The following AMZ1 variants were observed in gnomAD, a reference collection of about 807,000 sequenced individuals.
AMZ1 encodes the protein archaemetzincin-1.
In AMZ1, 39 loss-of-function variants were observed where a neutral mutation model predicts 29.9. That is an observed-to-expected ratio of 1.30 (90% CI 1.01 to 1.70). AMZ1 has a LOEUF of 1.70. AMZ1 is among the 40% of genes most tolerant of loss of function. AMZ1 has a pLI of 0.00. For synonymous variants in AMZ1, 458 were observed against 304.0 expected (o/e 1.51, Z -5.27); for missense variants, 1,041 against 680.6 (o/e 1.53, Z -5.89).
chr7:2,731,843 G>C lies in AMZ1; in HGVS notation n.550+22027G>C. On this transcript the variant is annotated intron_variant and non_coding_transcript_variant, in intron 4 of 4. Coordinates refer to the AMZ1 transcript ENST00000489665. The surrounding 1 kb of genome is among the most constrained non-coding windows in gnomAD (Gnocchi z 6.0). ...AGATGGCAAAAAGATAAGAAGGAAA[G>C]AGACTGACTTTTGCAACAGGTTGAA... 1.5e-6 allele frequency: 1 copy of C among 671,870 alleles called. No individual in the cohort carries two copies. Among genetic ancestry groups the C allele is most frequent in the Non-Finnish European group, 2.3e-6 (1 of 427,978 alleles). The allele number at this position is 671,870 out of a possible 1,614,324, so 41.6% of individuals were successfully genotyped here.
downstream of AMZ1, among the ~76,000 whole-genome samples, chr7:2,723,731 A>G (rs1457203304): frequency 6.6e-6 from 1 of 152,224 alleles, no homozygotes; most frequent in Non-Finnish European, 1.5e-5. Flanking sequence ...CCTGCAGGTC[A>G]GGCACCGCGG....
At chr7:2,740,056 G>A (rs1033074730) in intron 4 of AMZ1, among the ~76,000 whole-genome samples, 1 of 152,144 alleles carries the variant, frequency 6.6e-6, no homozygotes, top group African/African-American at 2.4e-5. Context: ...ATTCCCATGG[G>A]CCATGTACAA....
intron 3 of AMZ1, among the ~76,000 whole-genome samples, chr7:2,706,855 G>GTCAA (rs1314679131): frequency 3.3e-5 from 5 of 152,184 alleles, no homozygotes; most frequent in African/African-American, 1.2e-4. Context: ...TAGCATCATT[G>GTCAA]TCAATCAATT....
downstream of AMZ1, among the ~76,000 whole-genome samples, chr7:2,720,544 C>T (rs1278891905): frequency 6.6e-6 from 1 of 152,014 alleles, no homozygotes; most frequent in African/African-American, 2.4e-5. Flanking sequence ...GCTGGGACTA[C>T]AGGCGCCTGC....
chr7:2,691,385 T>G (rs1243983605), intron 1 of AMZ1, among the ~76,000 whole-genome samples: 1 of 148,328 alleles, frequency 6.7e-6, no homozygotes, highest in Non-Finnish European at 1.5e-5. Context: ...AGCCTCAGTC[T>G]CCTGGGTTAT....
rs373661142 is a variant in AMZ1 at position 2,712,681 on chromosome 7, G to A, written c.1300G>A (p.Val434Met). 214 of 1,612,826 alleles carry A rather than the reference G, an allele frequency of 1.3e-4. No individual in the cohort carries two copies. Among genetic ancestry groups the A allele is most frequent in the Non-Finnish European group, 1.6e-4 (187 of 1,179,824 alleles). Residue 434 changes from valine (V) to methionine (M), a missense_variant, in exon 7 of 7, where the codon GTG (valine) becomes ATG (methionine). Coordinates refer to ENST00000683327, the MANE Select transcript of AMZ1 (RefSeq NM_001384743.1). ...GGACCTGGTGCAGGTGGACAGAGCC[G>A]TGGACGCCCTCGACCGCTGGGAGAT... ...EEDLVQVDRA[V>M]DALDRWEMFT...
intron 4 of AMZ1, among the ~76,000 whole-genome samples, chr7:2,727,036 T>A (rs1236369604): frequency 6.6e-6 from 1 of 152,214 alleles, no homozygotes; most frequent in Non-Finnish European, 1.5e-5. Flanking sequence ...CATGCCATGC[T>A]TTAAAAATAA....
chr7:2,749,349 T>C (rs1032304214), intron 4 of AMZ1, among the ~76,000 whole-genome samples: 6 of 152,162 alleles, frequency 3.9e-5, no homozygotes, highest in Admixed American at 1.3e-4. Flanking sequence ...TGATGAGTTC[T>C]TGTCCTTTGT....
At chr7:2,702,535 G>A (rs946245174) in intron 2 of AMZ1, 187 bp from the exon 3 acceptor site, 20 of 621,542 alleles carry the variant, frequency 3.2e-5, no homozygotes, top group South Asian at 8.7e-5. Context: ...TGTGTCCCTC[G>A]GTGTTTGCCC....
At chr7:2,748,933 G>A (rs1386077156) in intron 4 of AMZ1, among the ~76,000 whole-genome samples, 2 of 152,234 alleles carry the variant, frequency 1.3e-5, no homozygotes, top group South Asian at 4.1e-4. Flanking sequence ...CTGGCCATCA[G>A]AGAAATGCAA....
chr7:2,682,625 G>A (rs1398429417), intron 1 of AMZ1, among the ~76,000 whole-genome samples: 3 of 152,084 alleles, frequency 2.0e-5, no homozygotes, highest in African/African-American at 2.4e-5. Flanking sequence ...CCTCCTTCCT[G>A]GACGTCACCT....
chr7:2,708,287 C>T (rs1788491870), intron 3 of AMZ1, among the ~76,000 whole-genome samples: 1 of 152,220 alleles, frequency 6.6e-6, no homozygotes, highest in African/African-American at 2.4e-5. Flanking sequence ...GCTGAGGTGG[C>T]TTCTCCTTCC....
intron 1 of AMZ1, among the ~76,000 whole-genome samples, chr7:2,694,834 G>A (rs1787610480): frequency 6.6e-6 from 1 of 151,946 alleles, no homozygotes; most frequent in South Asian, 2.1e-4. Context: ...CACCACGCCT[G>A]GCTAATTTTT....
chr7:2,712,857 C>T lies in AMZ1; in HGVS notation c.1476C>T (p.Pro492=), dbSNP rs910057234. The part of the protein sequence containing the change: ...KLARAESAPR[P]WDGEES Reference sequence around the variant, plus strand: ...CCAGAGCAGAGTCGGCCCCCCGTCCCTGGGATGGGGAAGAGAGTTAGTACA... The same window carrying T: ...CCAGAGCAGAGTCGGCCCCCCGTCCTTGGGATGGGGAAGAGAGTTAGTACA... The change falls in exon 7 of 7, where the codon CCC becomes CCT. Residue 492 remains proline, a synonymous_variant. Coordinates refer to ENST00000683327, the MANE Select transcript of AMZ1 (RefSeq NM_001384743.1). The T allele has an allele frequency of 5.9e-6, 9 of 1,523,336 alleles. No individual in the cohort carries two copies. In the African/African-American group the frequency reaches 1.1e-4, roughly 19 times the overall value. 94.4% of individuals were successfully genotyped at this position (1,523,336 alleles called of 1,614,324 possible).
chr7:2,688,391 G>C (rs1405847138), intron 1 of AMZ1, 95 bp downstream of exon 1: 2 of 151,954 alleles, frequency 1.3e-5, no homozygotes, highest in East Asian at 1.9e-4. Context: ...GGTCCAGCCC[G>C]GCCCGCGCAC....
At chr7:2,742,441 C>T (rs1179103961) in intron 4 of AMZ1, among the ~76,000 whole-genome samples, 1 of 152,172 alleles carries the variant, frequency 6.6e-6, no homozygotes, top group Non-Finnish European at 1.5e-5. Context: ...GCTTGCTGGT[C>T]TGTGAGTGAC....
intron 1 of AMZ1, among the ~76,000 whole-genome samples, chr7:2,695,862 T>A (rs1330514547): frequency 6.6e-6 from 1 of 151,610 alleles, no homozygotes; most frequent in African/African-American, 2.4e-5. Context: ...AATACAAAAT[T>A]AGCCGGGCGT....
chr7:2,708,963 T>A, intron 4 of AMZ1, 112 bp from the exon 5 acceptor site: 1 of 1,366,072 alleles, frequency 7.3e-7, no homozygotes, highest in Middle Eastern at 1.9e-4. Flanking sequence ...CCAGGACTGG[T>A]ATGTCTTTGG....
intron 1 of AMZ1, among the ~76,000 whole-genome samples, chr7:2,694,557 T>G (rs1787591472): frequency 6.6e-6 from 1 of 152,138 alleles, no homozygotes; most frequent in African/African-American, 2.4e-5. Context: ...CCCGAAGTAC[T>G]GGGATTACAG....
Sources: allele counts gnomAD v4.1 joint callset (sites outside exome capture counted in the v4.1 genomes callset), GRCh38; gene constraint gnomAD v4.1.1; non-coding constraint Gnocchi (gnomAD v3.1); transcripts MANE v1.5; gene names NCBI Gene and HGNC (gene_info 2026-07-23, HGNC 2026-07-21).